The following SNAI1 variants were observed in gnomAD, a reference collection of about 807,000 sequenced individuals.
The protein encoded by SNAI1 is zinc finger protein SNAI1.
Under a neutral mutation model 24.7 loss-of-function variants are expected in SNAI1, and 15 were observed. The observed-to-expected ratio is 0.61, with a 90% CI of 0.41 to 0.93. SNAI1 has a LOEUF of 0.93. Ranked by LOEUF, SNAI1 falls within the 40% of genes least tolerant of loss-of-function variation. SNAI1 has a pLI of 0.00. For synonymous variants in SNAI1, 163 were observed against 142.9 expected, an observed-to-expected ratio of 1.14 and a Z score of -1.00; for missense variants, 283 against 336.7, an observed-to-expected ratio of 0.84 and a Z score of 1.25.
At position 49,984,143 on chromosome 20, in the gene SNAI1, A is replaced by G. The variant is rs768307434; in HGVS notation, c.402A>G (p.Gln134=). The part of the protein sequence containing the change: ...EAYAAFPGLG[Q]VPKQLAQLSE... ...ATGCTGCCTTCCCAGGCTTGGGCCA[A>G]GTGCCCAAGCAGCTGGCCCAGCTCT... The change falls in exon 2 of 3, where the codon CAA becomes CAG. Residue 134 remains glutamine, a synonymous_variant. Coordinates refer to ENST00000244050, the MANE Select transcript of SNAI1 (RefSeq NM_005985.4). 5.6e-6 allele frequency: 9 copies of G among 1,614,156 alleles called. No individual in the cohort carries two copies. The South Asian group carries it at 8.8e-5, about 16-fold the overall frequency.
chr20:49,986,373 A>C (rs2078333944), intron 2 of SNAI1, among the ~76,000 whole-genome samples: 2 of 151,938 alleles, frequency 1.3e-5, no homozygotes, highest in South Asian at 4.2e-4. Context: ...GTCCCTATTG[A>C]ATGCATGGGT....
chr20:49,984,308 C>T lies in SNAI1; in HGVS notation c.567C>T (p.Phe189=). The change falls in exon 2 of 3, where the codon TTC becomes TTT. Residue 189 remains phenylalanine (F), a synonymous_variant. Transcript: ENST00000244050. Reference sequence around the variant, plus strand: ...TCTGCGGAACCTGCGGGAAGGCCTTCTCTAGGCCCTGGCTGCTACAAGGCC... The same window carrying T: ...TCTGCGGAACCTGCGGGAAGGCCTTTTCTAGGCCCTGGCTGCTACAAGGCC... ...PCVCGTCGKA[F]SRPWLLQGHV... 1.9e-6 allele frequency: 3 copies of T among 1,611,916 alleles called. No homozygotes were observed. The highest frequency in any genetic ancestry group is 2.5e-6 in the Non-Finnish European group (3 of 1,179,204).
At chr20:49,984,631 G>A (rs2078328282) in intron 2 of SNAI1, among the ~76,000 whole-genome samples, 1 of 152,254 alleles carries the variant, frequency 6.6e-6, no homozygotes, top group East Asian at 1.9e-4. Context: ...ACACCTTGCT[G>A]TGGGGGCCAG....
intron 2 of SNAI1, among the ~76,000 whole-genome samples, chr20:49,984,799 A>G (rs1048688563): frequency 2.6e-5 from 4 of 152,180 alleles, no homozygotes; most frequent in Non-Finnish European, 1.5e-5. Context: ...CATTTTCTCT[A>G]TCTTTCAGAT....
chr20:49,983,004 A>T lies in SNAI1; in HGVS notation c.-56A>T. ...CATTGCGCCGCGGCACGGCCTAGCG[A>T]GTGGTTCTTCTGCGCTACTGCTGCG... On this transcript the variant is annotated 5_prime_UTR_variant, in exon 1 of 3. Transcript: ENST00000244050. The T allele has an allele frequency of 1.7e-6, 2 of 1,195,824 alleles. No homozygotes were observed. Among genetic ancestry groups the T allele is most frequent in the South Asian group, 1.2e-5 (1 of 82,044 alleles). The allele number at this position is 1,195,824 out of a possible 1,614,324, so 74.1% of individuals were successfully genotyped here.
intron 2 of SNAI1, among the ~76,000 whole-genome samples, chr20:49,984,607 G>A (rs2078328202): frequency 6.6e-6 from 1 of 152,242 alleles, no homozygotes; most frequent in South Asian, 2.1e-4. Flanking sequence ...CTGGATATGG[G>A]AAAGGTGCAA....
Position 49,988,261 on chromosome 20 carries a change from CA to C in SNAI1, c.*206del, listed in dbSNP as rs944182579. On this transcript the variant is annotated 3_prime_UTR_variant, in exon 3 of 3. Transcript: ENST00000244050. ...GCCTGGGCTCTGGAAGAGGCCTTCC[CA>C]TGGCCATTTCTGTGGAGGGAGGGCA... 1.8e-6 allele frequency: 1 copy of C among 553,102 alleles called. No individual in the cohort carries two copies. Among genetic ancestry groups the C allele is most frequent in the African/African-American group, 1.9e-5 (1 of 51,716 alleles). 34.3% of individuals were successfully genotyped at this position (553,102 alleles called of 1,614,324 possible).
chr20:49,987,515 A>G (rs2078337632), intron 2 of SNAI1, among the ~76,000 whole-genome samples: 1 of 152,136 alleles, frequency 6.6e-6, no homozygotes, highest in Non-Finnish European at 1.5e-5. Flanking sequence ...CAGTAGGATG[A>G]ATCAGTAAAG....
intron 2 of SNAI1, 31 bp downstream of exon 2, chr20:49,984,382 GCT>G (rs2078327556): frequency 2.6e-6 from 4 of 1,537,956 alleles, no homozygotes; most frequent in Admixed American, 4.0e-5. Flanking sequence ...CCCCACCGTT[GCT>G]CTCTCTGGCA....
rs974419690 is a variant in SNAI1, at chr20:49,988,803, C to T, written c.*747C>T. 4 of 152,554 alleles carry T rather than the reference C, an allele frequency of 2.6e-5. No homozygotes were observed. Among genetic ancestry groups the T allele is most frequent in the Non-Finnish European group, 5.9e-5 (4 of 68,036 alleles). The allele number at this position is 152,554 out of a possible 1,614,324, so 9.5% of individuals were successfully genotyped here. ...GGTACACTGGTATTTATATTTCAAA[C>T]ATTTTGTATCAAGGAAACGTTTTGT... On this transcript the variant is annotated 3_prime_UTR_variant, in exon 3 of 3. Coordinates refer to ENST00000244050, the MANE Select transcript of SNAI1 (RefSeq NM_005985.4).
intron 2 of SNAI1, among the ~76,000 whole-genome samples, chr20:49,987,540 T>C (rs189412500): frequency 1.3e-5 from 2 of 152,320 alleles, no homozygotes; most frequent in East Asian, 3.9e-4. Context: ...TGAGTCATTG[T>C]TGACCACTTC....
Position 49,988,278 on chromosome 20 carries a change from A to G in SNAI1, c.*222A>G. The G allele has an allele frequency of 1.9e-6, 1 of 519,040 alleles. No individual in the cohort carries two copies. Among genetic ancestry groups the G allele is most frequent in the Non-Finnish European group, 3.4e-6 (1 of 296,452 alleles). 32.2% of individuals were successfully genotyped at this position (519,040 alleles called of 1,614,324 possible). ...GGCCTTCCCATGGCCATTTCTGTGGAGGGAGGGCAGCTGGCCCCCAGCCCT... is the reference window on the plus strand; with the variant it reads ...GGCCTTCCCATGGCCATTTCTGTGGGGGGAGGGCAGCTGGCCCCCAGCCCT... On this transcript the variant is annotated 3_prime_UTR_variant, in exon 3 of 3. Transcript: ENST00000244050.
Position 49,984,369 on chromosome 20 carries a change from C to A in SNAI1, c.610+18C>A. 1 of 1,564,038 alleles carries A rather than the reference C, an allele frequency of 6.4e-7. No individual in the cohort carries two copies. The highest frequency in any genetic ancestry group is 8.7e-7 in the Non-Finnish European group (1 of 1,155,354). ...CCACACTGGTACGTGCCCCTCCAGG[C>A]GCCCCCACCGTTGCTCTCTCTGGCA... is the stretch of plus-strand genomic sequence containing the variant. On this transcript the variant is annotated intron_variant, in intron 2 of 2. Coordinates refer to ENST00000244050, the MANE Select transcript of SNAI1 (RefSeq NM_005985.4).
In SNAI1 at chr20:49,983,001, G is replaced by A; in HGVS notation, c.-59G>A. The A allele has an allele frequency of 8.5e-7, 1 of 1,169,760 alleles. No individual in the cohort carries two copies. Among genetic ancestry groups the A allele is most frequent in the Non-Finnish European group, 1.2e-6 (1 of 814,978 alleles). 72.5% of individuals were successfully genotyped at this position (1,169,760 alleles called of 1,614,324 possible). On this transcript the variant is annotated 5_prime_UTR_variant, in exon 1 of 3. Transcript: ENST00000244050. ...ATTCATTGCGCCGCGGCACGGCCTA[G>A]CGAGTGGTTCTTCTGCGCTACTGCT... is the stretch of plus-strand genomic sequence containing the variant.
chr20:49,983,279 G>A, intron 1 of SNAI1, 138 bp downstream of exon 1: 1 of 716,216 alleles, frequency 1.4e-6, no homozygotes, highest in Non-Finnish European at 2.4e-6. Context: ...GGGCTCGGGA[G>A]ACCGGGCAAG....
At chr20:49,985,305 C>T (rs968445049) in intron 2 of SNAI1, among the ~76,000 whole-genome samples, 9 of 152,154 alleles carry the variant, frequency 5.9e-5, no homozygotes, top group African/African-American at 2.2e-4. Flanking sequence ...TCAAGCTGGC[C>T]AGGTTCTGCC....
chr20:49,984,701 A>G (rs967957576), intron 2 of SNAI1, among the ~76,000 whole-genome samples: 1 of 152,212 alleles, frequency 6.6e-6, no homozygotes, highest in Non-Finnish European at 1.5e-5. Flanking sequence ...CTAGCCAGAC[A>G]GGATGTTGTC....
intron 2 of SNAI1, among the ~76,000 whole-genome samples, chr20:49,985,012 G>C (rs1489128955): frequency 1.2e-4 from 10 of 86,856 alleles, no homozygotes; most frequent in Admixed American, 9.1e-4. Context: ...ATATGTTTTA[G>C]AGAGTGGCTG....
chr20:49,983,733 GC>G (rs2078324113), intron 1 of SNAI1, 90 bp from the exon 2 acceptor site: 1 of 1,275,300 alleles, frequency 7.8e-7, no homozygotes, highest in African/African-American at 1.5e-5. Context: ...TTGAGAATCG[GC>G]CCCACCCAGC....
Sources: allele counts gnomAD v4.1 joint callset (sites outside exome capture counted in the v4.1 genomes callset), GRCh38; gene constraint gnomAD v4.1.1; transcripts MANE v1.5; gene names NCBI Gene and HGNC (gene_info 2026-07-23, HGNC 2026-07-21).